IKZF3: variants seen among roughly 807,000 people sequenced by gnomAD.
The protein encoded by IKZF3 is IKAROS family zinc finger 3, also known as zinc finger protein Aiolos.
In IKZF3, 10 loss-of-function variants were observed where a neutral mutation model predicts 49.0. That is an observed-to-expected ratio of 0.20 (90% confidence interval 0.13 to 0.35). The LOEUF is 0.35. IKZF3 is among the 10% of genes least tolerant of loss of function. IKZF3 has a pLI of 1.00. For synonymous variants in IKZF3, 209 were observed against 228.2 expected, an observed-to-expected ratio of 0.92 and a Z score of 0.76; for missense variants, 498 against 664.8, an observed-to-expected ratio of 0.75 and a Z score of 2.76.
At chr17:39,782,602 T>C (rs1415414650) in intron 6 of IKZF3, among the ~76,000 whole-genome samples, 1 of 152,198 alleles carries the variant, frequency 6.6e-6, no homozygotes, top group African/African-American at 2.4e-5. Flanking sequence ...ACTTGTTATC[T>C]TGCCACTTCA....
chr17:39,830,076 A>C (rs910236374), intron 2 of IKZF3, among the ~76,000 whole-genome samples: 1 of 152,220 alleles, frequency 6.6e-6, no homozygotes, highest in Non-Finnish European at 1.5e-5. Flanking sequence ...GAGAAAAACT[A>C]TCTCTCCATT....
chr17:39,785,379 AC>A (rs749117991), intron 6 of IKZF3, among the ~76,000 whole-genome samples: 2 of 152,204 alleles, frequency 1.3e-5, no homozygotes, highest in Non-Finnish European at 2.9e-5. Flanking sequence ...GACTTAGTTA[AC>A]CCTTTATCTT....
intron 5 of IKZF3, among the ~76,000 whole-genome samples, chr17:39,791,164 G>A (rs2061010358): frequency 6.6e-6 from 1 of 151,936 alleles, no homozygotes; most frequent in African/African-American, 2.4e-5. Context: ...TTATAGGGTG[G>A]GCTCTTCCTA....
At chr17:39,823,805 C>T (rs1015732579) in intron 3 of IKZF3, among the ~76,000 whole-genome samples, 1 of 152,220 alleles carries the variant, frequency 6.6e-6, no homozygotes, top group Non-Finnish European at 1.5e-5. Flanking sequence ...GGAACCTCTG[C>T]TTAGATTTCA....
At chr17:39,858,290 C>T (rs1323095102) in intron 1 of IKZF3, among the ~76,000 whole-genome samples, 1 of 151,834 alleles carries the variant, frequency 6.6e-6, no homozygotes, top group East Asian at 1.9e-4. Flanking sequence ...AAGACTATGT[C>T]TCTATTAAAA....
chr17:39,835,360 T>C (rs2062242170), intron 1 of IKZF3: 1 of 494,066 alleles, frequency 2.0e-6, no homozygotes, highest in African/African-American at 1.9e-5. Flanking sequence ...TTGGACCCCC[T>C]GGCATTGGCA....
intron 1 of IKZF3, chr17:39,839,222 G>A (rs560593717): frequency 3.8e-5 from 10 of 266,558 alleles, no homozygotes; most frequent in East Asian, 2.2e-4. Context: ...CAACCAACAC[G>A]TTCATAAGAG....
chr17:39,794,374 C>A (rs1598027989), intron 3 of IKZF3, among the ~76,000 whole-genome samples: 2 of 152,202 alleles, frequency 1.3e-5, no homozygotes, highest in Admixed American at 1.3e-4. Context: ...AAAACTACAT[C>A]CCTTCCAAAA....
intron 1 of IKZF3, among the ~76,000 whole-genome samples, chr17:39,857,059 A>G (rs955448224): frequency 6.6e-6 from 1 of 152,216 alleles, no homozygotes; most frequent in African/African-American, 2.4e-5. Flanking sequence ...AACTGCCTAC[A>G]CTGTATGTAA....
chr17:39,843,389 G>A (rs768142158), intron 1 of IKZF3, among the ~76,000 whole-genome samples: 3 of 151,494 alleles, frequency 2.0e-5, no homozygotes, highest in Non-Finnish European at 4.4e-5. Flanking sequence ...TTTTAAAAAC[G>A]CTAACTATGA....
chr17:39,810,652 C>T, intron 3 of IKZF3, among the ~76,000 whole-genome samples: 1 of 148,004 alleles, frequency 6.8e-6, no homozygotes, highest in South Asian at 2.2e-4. Flanking sequence ...AATATAGTTA[C>T]TTTTGTTAAC....
At chr17:39,796,588 TG>T (rs1390884339) in intron 3 of IKZF3, among the ~76,000 whole-genome samples, 1 of 150,820 alleles carries the variant, frequency 6.6e-6, no homozygotes, top group Non-Finnish European at 1.5e-5. Flanking sequence ...TTGCCCAGGC[TG>T]GAGAGCAGTG....
At chr17:39,766,616 C>G in intron 7 of IKZF3, 123 bp from the exon 8 acceptor site, 1 of 780,022 alleles carries the variant, frequency 1.3e-6, no homozygotes, top group Non-Finnish European at 2.0e-6. Flanking sequence ...GAAGACCAAG[C>G]CTGGCAGAAT....
At chr17:39,835,828 C>T in intron 1 of IKZF3, 1 of 552,908 alleles carries the variant, frequency 1.8e-6, no homozygotes, top group South Asian at 1.5e-5. Context: ...TTGATGAGGA[C>T]AATTTTATTC....
At chr17:39,836,662 T>G (rs979602648) in intron 1 of IKZF3, among the ~76,000 whole-genome samples, 5 of 152,318 alleles carry the variant, frequency 3.3e-5, no homozygotes, top group African/African-American at 1.2e-4. Context: ...TTCTCTCTGT[T>G]CTAGGGACTA....
intron 1 of IKZF3, among the ~76,000 whole-genome samples, chr17:39,853,310 CT>C (rs989203808): frequency 1.3e-5 from 2 of 152,102 alleles, no homozygotes; most frequent in African/African-American, 4.8e-5. Context: ...AGATTTCTGA[CT>C]TTTGAATTAT....
intron 5 of IKZF3, among the ~76,000 whole-genome samples, chr17:39,788,934 A>AT (rs1267535883): frequency 6.6e-6 from 1 of 152,010 alleles, no homozygotes; most frequent in East Asian, 1.9e-4. Flanking sequence ...TTAACTACGG[A>AT]TTTTTTTGTT....
rs543232796 is a variant in IKZF3 at position 39,846,480 on chromosome 17, T to C, written c.8-14329A>G. 4.7e-5 allele frequency among the ~76,000 whole-genome samples: 7 copies of C among 149,626 alleles called. No individual in the cohort carries two copies. In the South Asian group the frequency reaches 1.0e-3, roughly 22 times the overall value. On this transcript the variant is annotated intron_variant, in intron 1 of 7. Coordinates refer to ENST00000346872, the MANE Select transcript of IKZF3 (RefSeq NM_012481.5). The stretch of plus-strand genomic sequence containing the variant: ...TTCTCACCGGTTAGTTTTTTTAAGA[T>C]ACCAAGGTTTTTTTTTTTTTTTTTT...
chr17:39,805,749 C>A (rs1345441338), intron 3 of IKZF3, among the ~76,000 whole-genome samples: 1 of 152,192 alleles, frequency 6.6e-6, no homozygotes, highest in Non-Finnish European at 1.5e-5. Flanking sequence ...AACTGCTTAA[C>A]AGCTGCCCAG....
Sources: gnomAD v4.1 joint callset for allele counts (sites outside exome capture counted in the v4.1 genomes callset) on GRCh38, gnomAD v4.1.1 for gene constraint, MANE v1.5 for transcripts, NCBI Gene and HGNC (gene_info 2026-07-23, HGNC 2026-07-21) for gene names.